THSD4: variants seen among roughly 807,000 people sequenced by gnomAD.
THSD4 encodes the protein thrombospondin type-1 domain-containing protein 4.
THSD4 carries 69 observed loss-of-function variants against 119.0 expected under a neutral mutation model. The observed-to-expected ratio is 0.58, with a 90% CI of 0.48 to 0.71. The LOEUF is 0.71. THSD4 is among the 30% of genes least tolerant of loss of function. The pLI, the probability that THSD4 is intolerant of heterozygous loss-of-function variation, is 0.00. For synonymous variants in THSD4, 524 were observed against 540.4 expected (o/e 0.97, Z 0.42); for missense variants, 1,393 against 1,391.1 (o/e 1.00, Z -0.02).
At chr15:71,585,460 T>G (rs550187640) in intron 7 of THSD4, among the ~76,000 whole-genome samples, 29 of 152,208 alleles carry the variant, frequency 1.9e-4, no homozygotes, top group Non-Finnish European at 4.0e-4. Context: ...TCATGGAGTT[T>G]CCTTTGTCTA....
intron 7 of THSD4, among the ~76,000 whole-genome samples, chr15:71,602,714 G>C (rs1432774963): frequency 6.6e-6 from 1 of 152,170 alleles, no homozygotes; most frequent in Non-Finnish European, 1.5e-5. Context: ...GCCAGGGGCT[G>C]GGAGTAGAAG....
At chr15:71,381,420 TATTTA>T (rs2046226999) in intron 6 of THSD4, among the ~76,000 whole-genome samples, 1 of 152,202 alleles carries the variant, frequency 6.6e-6, no homozygotes, top group Non-Finnish European at 1.5e-5. Context: ...TTGGTGTTAA[TATTTA>T]ATTAAGTTTT....
At chr15:71,232,617 C>T (rs1596281881) in intron 4 of THSD4, among the ~76,000 whole-genome samples, 1 of 151,786 alleles carries the variant, frequency 6.6e-6, no homozygotes, top group Non-Finnish European at 1.5e-5. Context: ...CGCACAAGAG[C>T]CCCATGTGTT....
intron 7 of THSD4, among the ~76,000 whole-genome samples, chr15:71,564,103 G>A (rs2049177938): frequency 6.6e-6 from 1 of 152,146 alleles, no homozygotes; most frequent in African/African-American, 2.4e-5. Flanking sequence ...TTATAAAATT[G>A]GACAAATGTA....
intron 6 of THSD4, among the ~76,000 whole-genome samples, chr15:71,391,459 G>A (rs1267331039): frequency 6.6e-6 from 1 of 152,178 alleles, no homozygotes; most frequent in African/African-American, 2.4e-5. Context: ...GATTATAGGT[G>A]TGAGCCACTG....
intron 7 of THSD4, among the ~76,000 whole-genome samples, chr15:71,451,055 A>G (rs533974873): frequency 6.6e-6 from 1 of 152,132 alleles, no homozygotes; most frequent in Non-Finnish European, 1.5e-5. Flanking sequence ...GCACACACCT[A>G]TAATCCCAGC....
intron 7 of THSD4, among the ~76,000 whole-genome samples, chr15:71,503,449 G>A (rs1169184149): frequency 1.3e-5 from 2 of 152,014 alleles, no homozygotes; most frequent in Non-Finnish European, 2.9e-5. Flanking sequence ...AGCACCCCAC[G>A]CCCAAAGCCT....
chr15:71,237,273 C>G (rs1407950225), intron 4 of THSD4, among the ~76,000 whole-genome samples: 1 of 152,170 alleles, frequency 6.6e-6, no homozygotes, highest in Non-Finnish European at 1.5e-5. Context: ...TCATCATCAT[C>G]TGAGAACTTG....
At chr15:71,150,047 G>A (rs978808086) in intron 2 of THSD4, among the ~76,000 whole-genome samples, 2 of 151,918 alleles carry the variant, frequency 1.3e-5, no homozygotes, top group East Asian at 1.9e-4. Flanking sequence ...AAGGTGAATC[G>A]GAAAGTCTTG....
chr15:71,562,509 G>A (rs1340528954), intron 7 of THSD4, among the ~76,000 whole-genome samples: 2 of 152,076 alleles, frequency 1.3e-5, no homozygotes, highest in African/African-American at 4.8e-5. Flanking sequence ...CATATATGCC[G>A]ATAAGCCAGA....
Position 71,445,921 on chromosome 15 carries a change from G to A in THSD4, c.1152+34098G>A, listed in dbSNP as rs537622055. On this transcript the variant is annotated intron_variant, in intron 7 of 17. Transcript: ENST00000261862. ...TTTTGCTGAGCTTAATTGTGGAGATGAGTCCATGTTTTACACCATTTAGCA... is the reference window on the plus strand; with the variant it reads ...TTTTGCTGAGCTTAATTGTGGAGATAAGTCCATGTTTTACACCATTTAGCA... Among the ~76,000 whole-genome samples the A allele has an allele frequency of 3.9e-5, 6 of 152,334 alleles. No homozygotes were observed. The South Asian group carries it at 1.0e-3, about 26-fold the overall frequency.
intron 7 of THSD4, among the ~76,000 whole-genome samples, chr15:71,598,392 G>A (rs2049945220): frequency 6.6e-6 from 1 of 152,162 alleles, no homozygotes; most frequent in Non-Finnish European, 1.5e-5. Context: ...TATAGGCATT[G>A]ATGGGTACTG....
intron 7 of THSD4, 107 bp from the exon 8 acceptor site, chr15:71,660,423 T>C: frequency 7.3e-7 from 1 of 1,374,260 alleles, no homozygotes; most frequent in Middle Eastern, 2.4e-4. Flanking sequence ...AATATACATT[T>C]CGTAAATAGC....
chr15:71,535,533 T>A (rs140983133), intron 7 of THSD4, among the ~76,000 whole-genome samples: 95 of 152,326 alleles, frequency 6.2e-4, no homozygotes, highest in Non-Finnish European at 1.2e-3. Context: ...TTTAACTTTT[T>A]GATACAGCTG....
At position 71,773,210 on chromosome 15, in the gene THSD4, AAAAAAG is replaced by A. The variant is rs1485604499; in HGVS notation, c.2914+2014_2914+2019del. Among the ~76,000 whole-genome samples the A allele has an allele frequency of 1.6e-4, 23 of 143,548 alleles. 1 individual carries two copies. Among genetic ancestry groups the A allele is most frequent in the African/African-American group, 6.1e-4 (23 of 37,840 alleles). The allele number at this position is 143,548 out of a possible 152,430, so 94.2% of individuals were successfully genotyped here. Reference sequence around the variant, plus strand: ...AGTGAGACCATGTCTCAAAAAAAAAAAAAAAGAAAAAGAAAAAAGAAAAGAAAAAAA... The same window carrying A: ...AGTGAGACCATGTCTCAAAAAAAAAAAAAAAGAAAAAAGAAAAGAAAAAAA... On this transcript the variant is annotated intron_variant, in intron 17 of 17. Coordinates refer to ENST00000261862, the MANE Select transcript of THSD4 (RefSeq NM_024817.3).
intron 7 of THSD4, among the ~76,000 whole-genome samples, chr15:71,432,001 C>T (rs1450170234): frequency 6.6e-6 from 1 of 151,994 alleles, no homozygotes; most frequent in East Asian, 1.9e-4. Flanking sequence ...GTCATTTTGT[C>T]TCCACACAAA....
At chr15:71,669,505 T>C (rs1028409105) in intron 8 of THSD4, among the ~76,000 whole-genome samples, 2 of 152,182 alleles carry the variant, frequency 1.3e-5, no homozygotes, top group African/African-American at 2.4e-5. Context: ...TGTCCTTTTT[T>C]TTTGTGGCTG....
At chr15:71,544,363 T>C (rs2048805504) in intron 7 of THSD4, among the ~76,000 whole-genome samples, 1 of 152,206 alleles carries the variant, frequency 6.6e-6, no homozygotes, top group Non-Finnish European at 1.5e-5. Context: ...ACTGGGCTCA[T>C]AGTGCTCAAC....
intron 6 of THSD4, among the ~76,000 whole-genome samples, chr15:71,260,797 A>G (rs1245379469): frequency 6.6e-6 from 1 of 152,156 alleles, no homozygotes; most frequent in African/African-American, 2.4e-5. Context: ...ACCCCCAAAA[A>G]GATTTATTAA....
Sources: allele counts gnomAD v4.1 joint callset (sites outside exome capture counted in the v4.1 genomes callset), GRCh38; gene constraint gnomAD v4.1.1; transcripts MANE v1.5; gene names NCBI Gene and HGNC (gene_info 2026-07-23, HGNC 2026-07-21).